Variants in ARL15 observed in about 807,000 individuals in gnomAD.
ARL15 encodes the protein ADP-ribosylation factor-like protein 15.
Under a neutral mutation model 25.2 loss-of-function variants are expected in ARL15, and 19 were observed. The observed-to-expected ratio is 0.75, with a 90% CI of 0.53 to 1.10. ARL15 has a LOEUF of 1.10. Ranked by LOEUF, ARL15 falls within the 50% of genes least tolerant of loss-of-function variation. ARL15 has a pLI of 0.00. For synonymous variants in ARL15, 94 were observed against 86.8 expected (o/e 1.08, Z -0.46); for missense variants, 220 against 246.0 (o/e 0.89, Z 0.71).
intron 4 of ARL15, among the ~76,000 whole-genome samples, chr5:53,988,590 T>C (rs927145981): frequency 6.6e-6 from 1 of 152,192 alleles, no homozygotes; most frequent in African/African-American, 2.4e-5. Context: ...AATCAAGATC[T>C]TTAATTTATT....
chr5:53,989,399 T>A (rs537415862), intron 4 of ARL15, among the ~76,000 whole-genome samples: 14 of 152,312 alleles, frequency 9.2e-5, no homozygotes, highest in African/African-American at 3.4e-4. Flanking sequence ...CGGTGATTCT[T>A]CAAATTTCAA....
chr5:54,062,621 T>A (rs1012148308), intron 4 of ARL15, among the ~76,000 whole-genome samples: 4 of 152,164 alleles, frequency 2.6e-5, no homozygotes, highest in African/African-American at 9.7e-5. Context: ...TCTGCCATGA[T>A]TGTAAGGCCT....
At chr5:54,136,951 G>A (rs1753623746) in intron 3 of ARL15, among the ~76,000 whole-genome samples, 1 of 150,344 alleles carries the variant, frequency 6.7e-6, no homozygotes, top group Admixed American at 6.6e-5. Flanking sequence ...CTACACTCTT[G>A]CCTGCCAGTT....
intron 4 of ARL15, among the ~76,000 whole-genome samples, chr5:53,945,023 C>A (rs1194721558): frequency 6.6e-6 from 1 of 152,176 alleles, no homozygotes; most frequent in East Asian, 1.9e-4. Flanking sequence ...GGCAACAGAT[C>A]AGGGAGGCTG....
At chr5:54,149,031 T>C (rs965719804) in intron 3 of ARL15, among the ~76,000 whole-genome samples, 1 of 152,158 alleles carries the variant, frequency 6.6e-6, no homozygotes, top group Non-Finnish European at 1.5e-5. Flanking sequence ...CACTGCAGTG[T>C]GGACAACTGC....
chr5:54,269,340 C>T (rs1235701920), intron 1 of ARL15, among the ~76,000 whole-genome samples: 1 of 152,060 alleles, frequency 6.6e-6, no homozygotes, highest in Non-Finnish European at 1.5e-5. Context: ...ACTTCAATAA[C>T]ATATTTTTAT....
intron 4 of ARL15, among the ~76,000 whole-genome samples, chr5:54,086,726 G>T (rs533784904): frequency 5.6e-4 from 85 of 152,144 alleles, no homozygotes; most frequent in African/African-American, 1.8e-3. Flanking sequence ...AAAGAAATCA[G>T]AATGGGTTAA....
intron 1 of ARL15, among the ~76,000 whole-genome samples, chr5:54,260,708 C>T (rs1353614106): frequency 6.6e-6 from 1 of 152,192 alleles, no homozygotes; most frequent in Non-Finnish European, 1.5e-5. Context: ...CAGGATGAAA[C>T]TCTCTGACAA....
At chr5:53,952,196 A>AGGTTG (rs1436900402) in intron 4 of ARL15, among the ~76,000 whole-genome samples, 4 of 152,162 alleles carry the variant, frequency 2.6e-5, no homozygotes, top group Non-Finnish European at 5.9e-5. Flanking sequence ...CGGGAGGCAG[A>AGGTTG]GGTTGGAGTG....
intron 4 of ARL15, among the ~76,000 whole-genome samples, chr5:54,001,440 TC>T (rs1295619192): frequency 1.3e-5 from 2 of 152,158 alleles, no homozygotes; most frequent in East Asian, 3.8e-4. Flanking sequence ...CTGAACCTTT[TC>T]AAAACTTCAA....
At chr5:54,226,272 T>C (rs558274197) in intron 1 of ARL15, among the ~76,000 whole-genome samples, 2 of 152,244 alleles carry the variant, frequency 1.3e-5, no homozygotes, top group South Asian at 4.1e-4. Context: ...TGGCCGTTAA[T>C]TGGATTTAAG....
intron 1 of ARL15, among the ~76,000 whole-genome samples, chr5:54,176,269 C>A (rs277337): frequency 0.65 from 99,409 of 152,060 alleles, 32,904 homozygotes; most frequent in East Asian, 0.99. Context: ...TGTATTTGAA[C>A]TGACTGAATA....
At chr5:54,112,594 G>C (rs746900688) in intron 4 of ARL15, among the ~76,000 whole-genome samples, 26 of 152,288 alleles carry the variant, frequency 1.7e-4, no homozygotes, top group Admixed American at 3.9e-4. Context: ...TGAATCACAA[G>C]CTCTATTGGC....
At chr5:54,224,400 C>T (rs576591281) in intron 1 of ARL15, among the ~76,000 whole-genome samples, 72 of 152,218 alleles carry the variant, frequency 4.7e-4, no homozygotes, top group African/African-American at 1.6e-3. Flanking sequence ...TTGAAGAATC[C>T]AAGTATACGA....
chr5:53,910,153 T>C (rs1215089806), intron 4 of ARL15, among the ~76,000 whole-genome samples: 3 of 152,200 alleles, frequency 2.0e-5, no homozygotes, highest in Non-Finnish European at 2.9e-5. Context: ...AATGTTTATA[T>C]GTGGATTTTC....
chr5:54,156,409 A>G (rs277333), intron 2 of ARL15, among the ~76,000 whole-genome samples: 134,889 of 152,278 alleles, frequency 0.89, 60,013 homozygotes, highest in East Asian at 0.98. Context: ...TGTATGTGTT[A>G]TGTTTATCAC....
chr5:54,231,323 C>G (rs1420435338), intron 1 of ARL15, among the ~76,000 whole-genome samples: 1 of 152,062 alleles, frequency 6.6e-6, no homozygotes. Flanking sequence ...TTCTCGAAAC[C>G]AAGTTTCTCT....
At chr5:54,055,454 G>A (rs60452789) in intron 4 of ARL15, among the ~76,000 whole-genome samples, 2,831 of 149,148 alleles carry the variant, frequency 0.019, 92 homozygotes, top group African/African-American at 0.067. Flanking sequence ...TCCATCTCCC[G>A]GGTTCAAGCG....
intron 4 of ARL15, among the ~76,000 whole-genome samples, chr5:53,940,723 T>C (rs1176399360): frequency 6.6e-6 from 1 of 152,222 alleles, no homozygotes; most frequent in Non-Finnish European, 1.5e-5. Context: ...CCATAACTTC[T>C]AGAGCTTTTA....
Sources: gnomAD v4.1 joint callset for allele counts (sites outside exome capture counted in the v4.1 genomes callset) on GRCh38, gnomAD v4.1.1 for gene constraint, MANE v1.5 for transcripts, NCBI Gene and HGNC (gene_info 2026-07-23, HGNC 2026-07-21) for gene names.